The following FBH1 variants were observed in gnomAD, a reference collection of about 807,000 sequenced individuals.
The protein encoded by FBH1 is F-box DNA helicase 1.
A neutral mutation model predicts 115.5 loss-of-function variants in FBH1; 43 were observed. The ratio of observed to expected loss-of-function variants is 0.37; its 90% CI spans 0.29 to 0.48. The LOEUF is 0.48. Ranked by LOEUF, FBH1 falls within the 20% of genes least tolerant of loss-of-function variation. The pLI, the probability that FBH1 is intolerant of heterozygous loss-of-function variation, is 0.99. For synonymous variants in FBH1, 524 were observed against 507.8 expected (o/e 1.03, Z -0.43); for missense variants, 1,001 against 1,337.3 (o/e 0.75, Z 3.92).
intron 1 of FBH1, among the ~76,000 whole-genome samples, chr10:5,893,245 G>A (rs1413577441): frequency 3.3e-5 from 5 of 152,204 alleles, no homozygotes; most frequent in Non-Finnish European, 7.3e-5. Flanking sequence ...GGCGGAGGTT[G>A]CAATGAGCCG....
chr10:5,897,692 C>T lies in FBH1; in HGVS notation c.2-5328C>T, dbSNP rs1415465627. ...ATCACCAGTCTAAGCGCCCCTCCCC[C>T]GGTACCGAACCTCAGTTCCTCCCAG... On this transcript the variant is annotated intron_variant, in intron 1 of 20. Transcript: ENST00000362091. The surrounding 1 kb of genome is among the most constrained non-coding windows in gnomAD (Gnocchi z 4.7). Among the ~76,000 whole-genome samples, 3 of 152,136 alleles carry T rather than the reference C, an allele frequency of 2.0e-5. No individual in the cohort carries two copies. The highest frequency in any genetic ancestry group is 7.2e-5 in the African/African-American group (3 of 41,436).
At chr10:5,893,587 T>C (rs1462103555) in intron 1 of FBH1, among the ~76,000 whole-genome samples, 1 of 152,254 alleles carries the variant, frequency 6.6e-6, no homozygotes, top group Non-Finnish European at 1.5e-5. Flanking sequence ...CTGAATCCCA[T>C]GATTCTTTCA....
chr10:5,910,868 C>T lies in FBH1; in HGVS notation c.1021-70C>T. The T allele has an allele frequency of 1.4e-6, 2 of 1,408,604 alleles. No individual in the cohort carries two copies. The highest frequency in any genetic ancestry group is 9.6e-7 in the Non-Finnish European group (1 of 1,039,916). 87.3% of individuals were successfully genotyped at this position (1,408,604 alleles called of 1,614,324 possible). A position where few individuals can be genotyped will look rare whatever the true frequency, so the allele number is the denominator to read the frequency against. On this transcript the variant is annotated intron_variant, in intron 5 of 20. Transcript: ENST00000362091. The surrounding 1 kb of genome is among the most constrained non-coding windows in gnomAD (Gnocchi z 4.8). ...ACCCGTGGCTCGGCTTTCCTGACTC[C>T]TTCCTGCTGTGATTCGTATTAACCA...
intron 3 of FBH1, 111 bp from the exon 4 acceptor site, chr10:5,908,814 T>C: frequency 1.6e-6 from 2 of 1,221,282 alleles, no homozygotes; most frequent in Non-Finnish European, 2.3e-6. Flanking sequence ...CTTCACCATG[T>C]TGGCCATGCT....
At chr10:5,894,353 T>C (rs1842893246) in intron 1 of FBH1, 1 of 1,569,048 alleles carries the variant, frequency 6.4e-7, no homozygotes, top group Non-Finnish European at 8.6e-7. Context: ...TAAAAAAATG[T>C]AATATGGAAA....
At position 5,894,925 on chromosome 10, in the gene FBH1, C is replaced by G. The variant is rs1425532558; in HGVS notation, c.1+4579C>G. The G allele has an allele frequency of 7.3e-6, 7 of 953,096 alleles. No homozygotes were observed. In the African/African-American group the frequency reaches 9.9e-5, roughly 13 times the overall value. The allele number at this position is 953,096 out of a possible 1,614,324, so 59.0% of individuals were successfully genotyped here. Reference sequence around the variant, plus strand: ...TGCACACTTACACAAAGAATTGTTACAAGTATCTCGGGTGTACAGGGCGGT... The same window carrying G: ...TGCACACTTACACAAAGAATTGTTAGAAGTATCTCGGGTGTACAGGGCGGT... On this transcript the variant is annotated intron_variant, in intron 1 of 20. Coordinates refer to ENST00000362091, the MANE Select transcript of FBH1 (RefSeq NM_178150.3).
In FBH1 at chr10:5,931,985, A is replaced by T. The variant is rs1832995557; in HGVS notation, c.2829+4444A>T. On this transcript the variant is annotated intron_variant, in intron 19 of 20. Coordinates refer to ENST00000362091, the MANE Select transcript of FBH1 (RefSeq NM_178150.3). The surrounding 1 kb of genome is among the most constrained non-coding windows in gnomAD (Gnocchi z 4.3). ...ATGGCAAAACCCTGTCTCTACCAAA[A>T]AATACAGAAAAATTAGCTAGTCATG... Among the ~76,000 whole-genome samples, 1 of 152,190 alleles carries T rather than the reference A, an allele frequency of 6.6e-6. No individual in the cohort carries two copies. Among genetic ancestry groups the T allele is most frequent in the South Asian group, 2.1e-4 (1 of 4,830 alleles).
intron 1 of FBH1, among the ~76,000 whole-genome samples, chr10:5,899,924 T>G (rs781335537): frequency 6.6e-6 from 1 of 152,252 alleles, no homozygotes; most frequent in South Asian, 2.1e-4. Flanking sequence ...CACATTCATA[T>G]TTTGTTTCTG....
chr10:5,896,053 G>A (rs922732300), intron 1 of FBH1, among the ~76,000 whole-genome samples: 17 of 152,232 alleles, frequency 1.1e-4, no homozygotes, highest in African/African-American at 4.1e-4. Flanking sequence ...GCATAGGGGA[G>A]GAGTGGCAGA....
rs578094620 is a variant in FBH1 at position 5,935,583 on chromosome 10, G to T, written c.2830-873G>T. The T allele has an allele frequency of 6.6e-6, 1 of 152,236 alleles. No homozygotes were observed. The highest frequency in any genetic ancestry group is 2.4e-5 in the African/African-American group (1 of 41,460). The allele number at this position is 152,236 out of a possible 1,614,324, so 9.4% of individuals were successfully genotyped here. ...TTCACCTCGTCAGCTGTTAGTACTT[G>T]TTGGCCATAACTGGAGTGTTTGCCT... On this transcript the variant is annotated intron_variant, in intron 19 of 20. Coordinates refer to ENST00000362091, the MANE Select transcript of FBH1 (RefSeq NM_178150.3). The surrounding 1 kb of genome is among the most constrained non-coding windows in gnomAD (Gnocchi z 5.2).
chr10:5,926,556 CTG>C (rs780253966), intron 18 of FBH1, among the ~76,000 whole-genome samples: 14 of 152,344 alleles, frequency 9.2e-5, no homozygotes, highest in Non-Finnish European at 1.3e-4. Context: ...TGTCTGTTAA[CTG>C]TGGACTGGAA....
At chr10:5,903,197 T>C (rs1157910400) in intron 2 of FBH1, 22 bp downstream of exon 2, 7 of 1,575,732 alleles carry the variant, frequency 4.4e-6, no homozygotes, top group Non-Finnish European at 8.6e-7. Context: ...CTAAAACTCT[T>C]GCATTTCAAA....
chr10:5,907,170 C>T (rs1259545942), intron 3 of FBH1, among the ~76,000 whole-genome samples: 5 of 151,074 alleles, frequency 3.3e-5, no homozygotes, highest in Admixed American at 6.7e-5. Flanking sequence ...ACCATGTTGG[C>T]CAGGATGGTC....
At position 5,910,763 on chromosome 10, in the gene FBH1, G is replaced by T. The variant is rs186462989; in HGVS notation, c.1021-175G>T. Among the ~76,000 whole-genome samples the T allele has an allele frequency of 3.9e-5, 6 of 152,196 alleles. No homozygotes were observed. Among genetic ancestry groups the T allele is most frequent in the Non-Finnish European group, 8.8e-5 (6 of 68,032 alleles). ...AAAGTGATGAGAAGGAGTCCAGGGC[G>T]AACAGAAGGGCTCCCCTGTTTCCCA... is the stretch of plus-strand genomic sequence containing the variant. On this transcript the variant is annotated intron_variant, in intron 5 of 20. Coordinates refer to ENST00000362091, the MANE Select transcript of FBH1 (RefSeq NM_178150.3). The surrounding 1 kb of genome is among the most constrained non-coding windows in gnomAD (Gnocchi z 4.8).
Position 5,917,713 on chromosome 10 carries a change from C to T in FBH1, c.1963+37C>T, listed in dbSNP as rs779130713. On this transcript the variant is annotated intron_variant, in intron 12 of 20. Coordinates refer to ENST00000362091, the MANE Select transcript of FBH1 (RefSeq NM_178150.3). The surrounding 1 kb of genome is among the most constrained non-coding windows in gnomAD (Gnocchi z 5.6). ...TTCAGGACATCAGTAGTGTCAAATA[C>T]GTAGAAACAGCGCCATGATTATGTA... is the stretch of plus-strand genomic sequence containing the variant. 1.3e-5 allele frequency: 20 copies of T among 1,497,212 alleles called. No individual in the cohort carries two copies. Among genetic ancestry groups the T allele is most frequent in the Non-Finnish European group, 1.5e-5 (16 of 1,077,776 alleles). 92.7% of individuals were successfully genotyped at this position (1,497,212 alleles called of 1,614,324 possible). A position where few individuals can be genotyped will look rare whatever the true frequency, so the allele number is the denominator to read the frequency against.
chr10:5,906,615 A>G lies in FBH1; in HGVS notation c.736A>G (p.Ile246Val). Residue 246 changes from isoleucine (I) to valine (V), a missense_variant, in exon 3 of 21, where the codon ATC becomes GTC. Ile to Val is a conservative substitution (Grantham distance 29). This residue lies in a region of FBH1 where 420 missense variants were observed against 430.4 expected (regional missense o/e 0.98). Coordinates refer to ENST00000362091, the MANE Select transcript of FBH1 (RefSeq NM_178150.3). This position sits in a 1 kb window ranked among gnomAD's most constrained non-coding sequence, Gnocchi z 7.3. ...CTTGGTGTGCCACTTGTGGAGGGAGATCATCAGTGACCCGCTGGTGAGTGA... is the reference window on the plus strand; with the variant it reads ...CTTGGTGTGCCACTTGTGGAGGGAGGTCATCAGTGACCCGCTGGTGAGTGA... Reference protein sequence around the residue: ...LSLVCHLWREIISDPLFIPWK... With the variant: ...LSLVCHLWREVISDPLFIPWK... 1 of 1,608,216 alleles carries G rather than the reference A, an allele frequency of 6.2e-7. No individual in the cohort carries two copies. The highest frequency in any genetic ancestry group is 1.1e-5 in the South Asian group (1 of 90,996).
In FBH1 at chr10:5,910,392, C is replaced by A. The variant is rs1026131217; in HGVS notation, c.1021-546C>A. On this transcript the variant is annotated intron_variant, in intron 5 of 20. Transcript: ENST00000362091. This position sits in a 1 kb window ranked among gnomAD's most constrained non-coding sequence, Gnocchi z 4.8. ...ATGCTGTCTTCACAAAATAAACTTTCCATAATTTCATATTTATTTAACTTA... is the reference window on the plus strand; with the variant it reads ...ATGCTGTCTTCACAAAATAAACTTTACATAATTTCATATTTATTTAACTTA... Among the ~76,000 whole-genome samples, 1 of 152,214 alleles carries A rather than the reference C, an allele frequency of 6.6e-6. No homozygotes were observed. The highest frequency in any genetic ancestry group is 1.5e-5 in the Non-Finnish European group (1 of 68,042).
rs1320348099 is a variant in FBH1 at position 5,906,592 on chromosome 10, T to C, written c.713T>C (p.Leu238Ser). Residue 238 changes from leucine (L) to serine (S), a missense_variant, in exon 3 of 21, where the codon TTG becomes TCG. Coordinates refer to ENST00000362091, the MANE Select transcript of FBH1 (RefSeq NM_178150.3). This position sits in a 1 kb window ranked among gnomAD's most constrained non-coding sequence, Gnocchi z 7.3. Reference sequence around the variant, plus strand: ...GAAGACCTCTATTGGAACCTGAGCTTGGTGTGCCACTTGTGGAGGGAGATC... The same window carrying C: ...GAAGACCTCTATTGGAACCTGAGCTCGGTGTGCCACTTGTGGAGGGAGATC... ...PVEDLYWNLS[L>S]VCHLWREIIS... The C allele has an allele frequency of 3.1e-6, 5 of 1,612,390 alleles. No individual in the cohort carries two copies. The highest frequency in any genetic ancestry group is 4.2e-6 in the Non-Finnish European group (5 of 1,179,626).
Position 5,917,801 on chromosome 10 carries a change from ACTTAC to A in FBH1, c.1963+130_1963+134del. 1 of 809,154 alleles carries A rather than the reference ACTTAC, an allele frequency of 1.2e-6. No individual in the cohort carries two copies. The highest frequency in any genetic ancestry group is 2.0e-6 in the Non-Finnish European group (1 of 502,862). 50.1% of individuals were successfully genotyped at this position (809,154 alleles called of 1,614,324 possible). A position where few individuals can be genotyped will look rare whatever the true frequency, so the allele number is the denominator to read the frequency against. The stretch of plus-strand genomic sequence containing the variant: ...TTGTGATAAAGAAGAGGATCTTCAT[ACTTAC>A]CTTAGGATTTCAAGCTGCCCCTTCC... On this transcript the variant is annotated intron_variant, in intron 12 of 20. Transcript: ENST00000362091. The surrounding 1 kb of genome is among the most constrained non-coding windows in gnomAD (Gnocchi z 5.6).
Sources: allele counts gnomAD v4.1 joint callset (sites outside exome capture counted in the v4.1 genomes callset), GRCh38; gene constraint gnomAD v4.1.1; regional missense constraint gnomAD v4.1.1; non-coding constraint Gnocchi (gnomAD v3.1); transcripts MANE v1.5; gene names NCBI Gene and HGNC (gene_info 2026-07-23, HGNC 2026-07-21).